BRMS1: variants seen among roughly 807,000 people sequenced by gnomAD.
BRMS1 encodes the protein BRMS1 transcriptional repressor and anoikis regulator.
BRMS1 carries 26 observed loss-of-function variants against 40.4 expected under a neutral mutation model. The ratio of observed to expected loss-of-function variants is 0.64; its 90% confidence interval spans 0.47 to 0.89. The LOEUF is 0.89. Ranked by LOEUF, BRMS1 falls within the 40% of genes least tolerant of loss-of-function variation. The pLI, the probability that BRMS1 is intolerant of heterozygous loss-of-function variation, is 0.00. For synonymous variants in BRMS1, 103 were observed against 116.0 expected, an observed-to-expected ratio of 0.89 and a Z score of 0.72; for missense variants, 289 against 309.4, an observed-to-expected ratio of 0.93 and a Z score of 0.49.
chr11:66,338,547 C>T, intron 8 of BRMS1, 174 bp downstream of exon 8: 1 of 1,538,914 alleles, frequency 6.5e-7, no homozygotes, highest in Non-Finnish European at 8.7e-7. Flanking sequence ...ATCCCTTTTC[C>T]CAGGGCCGCC....
rs374621425 is a variant in BRMS1 at position 66,341,596 on chromosome 11, C to T, written c.167G>A (p.Arg56His). ...SEMDDEDYER[R>H]RSECVSEMLD... Reference sequence around the variant, plus strand: ...CATCTCACTGACACACTCGCTGCGGCGTCGCTCATAGTCCTCATCATCCAT... The same window carrying T: ...CATCTCACTGACACACTCGCTGCGGTGTCGCTCATAGTCCTCATCATCCAT... Residue 56 changes from arginine to histidine, a missense_variant, in exon 3 of 10, where the codon CGC becomes CAC. Transcript: ENST00000359957. The surrounding 1 kb of genome is among the most constrained non-coding windows in gnomAD (Gnocchi z 4.9). The T allele has an allele frequency of 5.0e-5, 81 of 1,613,978 alleles. No individual in the cohort carries two copies. Among genetic ancestry groups the T allele is most frequent in the Non-Finnish European group, 6.6e-5 (78 of 1,180,036 alleles).
rs1234666063 is a variant in BRMS1, at chr11:66,337,741, G to A, written c.*141C>T. 1.2e-5 allele frequency: 20 copies of A among 1,612,722 alleles called. No individual in the cohort carries two copies. Among genetic ancestry groups the A allele is most frequent in the Non-Finnish European group, 1.7e-5 (20 of 1,179,656 alleles). On this transcript the variant is annotated 3_prime_UTR_variant, in exon 10 of 10. Transcript: ENST00000359957. ...AGTCCAGGCCAGTGCCAGATGGAGT[G>A]GGAGGGCCCAGCAGCACCACAGGAG...
At chr11:66,338,632 A>C in intron 8 of BRMS1, 89 bp downstream of exon 8, 1 of 1,605,566 alleles carries the variant, frequency 6.2e-7, no homozygotes, top group Non-Finnish European at 8.5e-7. Context: ...TGGTGAGCAG[A>C]GAACTCCCAG....
Position 66,337,447 on chromosome 11 carries a change from G to C in BRMS1, c.*435C>G. ...CATCTTGCCTCCAGATCCAGCCAGGGTGGACAGACCCCCAGATAATCACGT... is the reference window on the plus strand; with the variant it reads ...CATCTTGCCTCCAGATCCAGCCAGGCTGGACAGACCCCCAGATAATCACGT... On this transcript the variant is annotated 3_prime_UTR_variant, in exon 10 of 10. Transcript: ENST00000359957. 1.9e-6 allele frequency: 1 copy of C among 536,096 alleles called. No individual in the cohort carries two copies. Among genetic ancestry groups the C allele is most frequent in the Non-Finnish European group, 3.3e-6 (1 of 299,710 alleles). 33.2% of individuals were successfully genotyped at this position (536,096 alleles called of 1,614,324 possible).
chr11:66,340,451 G>A (rs947977), intron 6 of BRMS1, among the ~76,000 whole-genome samples: 2,996 of 152,186 alleles, frequency 0.02, 123 homozygotes, highest in African/African-American at 0.068. Context: ...GTGGGATGAC[G>A]ACAATTCCTG....
In BRMS1 at chr11:66,337,539, A is replaced by ACAT; in HGVS notation, c.*340_*342dup. 1.3e-6 allele frequency: 1 copy of ACAT among 774,970 alleles called. No homozygotes were observed. The highest frequency in any genetic ancestry group is 2.0e-6 in the Non-Finnish European group (1 of 494,450). The allele number at this position is 774,970 out of a possible 1,614,324, so 48.0% of individuals were successfully genotyped here. On this transcript the variant is annotated 3_prime_UTR_variant, in exon 10 of 10. Coordinates refer to ENST00000359957, the MANE Select transcript of BRMS1 (RefSeq NM_015399.4). Reference sequence around the variant, plus strand: ...CCTGAGGCCGGACAGCCTGCATCCAACATCAGCAAGAGGATGTGGCTTTGA... The same window carrying ACAT: ...CCTGAGGCCGGACAGCCTGCATCCAACATCATCAGCAAGAGGATGTGGCTTTGA...
chr11:66,345,061 T>C lies in BRMS1; in HGVS notation c.-97A>G, dbSNP rs774116159. 1 of 152,256 alleles carries C rather than the reference T, an allele frequency of 6.6e-6. No individual in the cohort carries two copies. Among genetic ancestry groups the C allele is most frequent in the Admixed American group, 6.5e-5 (1 of 15,292 alleles). 9.4% of individuals were successfully genotyped at this position (152,256 alleles called of 1,614,324 possible). A position where few individuals can be genotyped will look rare whatever the true frequency, so the allele number is the denominator to read the frequency against. On this transcript the variant is annotated 5_prime_UTR_variant, in exon 1 of 10. Coordinates refer to ENST00000359957, the MANE Select transcript of BRMS1 (RefSeq NM_015399.4). ...ACCGGCTGCTGCCGCCGGACTCCCG[T>C]AGGCGCTGCGCGGCTCCCTTTTCTT...
At chr11:66,343,587 T>A (rs1458400284) in intron 1 of BRMS1, among the ~76,000 whole-genome samples, 1 of 152,082 alleles carries the variant, frequency 6.6e-6, no homozygotes, top group African/African-American at 2.4e-5. Flanking sequence ...ACCAGCTGGG[T>A]GAGCTGCACT....
At chr11:66,342,320 A>G (rs1855107459) in intron 1 of BRMS1, 79 bp from the exon 2 acceptor site, 4 of 1,550,382 alleles carry the variant, frequency 2.6e-6, no homozygotes, top group Non-Finnish European at 3.5e-6. Flanking sequence ...GCTGAACACA[A>G]CTCGATCCCA....
intron 5 of BRMS1, 25 bp downstream of exon 5, chr11:66,340,942 C>T (rs1445225111): frequency 8.7e-6 from 14 of 1,613,792 alleles, no homozygotes; most frequent in African/African-American, 1.3e-5. Context: ...CCTGCCTCAC[C>T]CCCAGTGTGC....
Position 66,341,584 on chromosome 11 carries a change from C to T in BRMS1, c.179G>A (p.Cys60Tyr), listed in dbSNP as rs756063796. 4 of 1,614,052 alleles carry T rather than the reference C, an allele frequency of 2.5e-6. No homozygotes were observed. In the African/African-American group the frequency reaches 4.0e-5, roughly 16 times the overall value. ...DEDYERRRSECVSEMLDLEKQ... is the reference protein window; with the variant it reads ...DEDYERRRSEYVSEMLDLEKQ... ...CTCTAGGTCCAGCATCTCACTGACA[C>T]ACTCGCTGCGGCGTCGCTCATAGTC... The change falls in exon 3 of 10, where the codon TGT (cysteine) becomes TAT (tyrosine). Residue 60 changes from cysteine (C) to tyrosine (Y), a missense_variant. Coordinates refer to ENST00000359957, the MANE Select transcript of BRMS1 (RefSeq NM_015399.4). The surrounding 1 kb of genome is among the most constrained non-coding windows in gnomAD (Gnocchi z 4.9).
rs1269461289 is a variant in BRMS1, at chr11:66,341,660, G to A, written c.140-37C>T. The A allele has an allele frequency of 6.4e-7, 1 of 1,573,280 alleles. No homozygotes were observed. The highest frequency in any genetic ancestry group is 2.2e-5 in the East Asian group (1 of 44,690). ...GGCCAGTAAGGGCTAGCTCTGGGGA[G>A]GAGTGGTGGGTACCCGCATGTGTGC... is the stretch of plus-strand genomic sequence containing the variant. On this transcript the variant is annotated intron_variant, in intron 2 of 9. Transcript: ENST00000359957. This position sits in a 1 kb window ranked among gnomAD's most constrained non-coding sequence, Gnocchi z 4.9.
chr11:66,338,920 C>T, intron 7 of BRMS1, 135 bp from the exon 8 acceptor site: 1 of 827,636 alleles, frequency 1.2e-6, no homozygotes, highest in South Asian at 1.9e-5. Flanking sequence ...GGTCAGGTTC[C>T]ACCTCCTACC....
At position 66,341,760 on chromosome 11, in the gene BRMS1, G is replaced by A. The variant is rs1293617190; in HGVS notation, c.140-137C>T. 1 of 798,646 alleles carries A rather than the reference G, an allele frequency of 1.3e-6. No individual in the cohort carries two copies. Among genetic ancestry groups the A allele is most frequent in the Non-Finnish European group, 2.2e-6 (1 of 463,162 alleles). The allele number at this position is 798,646 out of a possible 1,614,324, so 49.5% of individuals were successfully genotyped here. On this transcript the variant is annotated intron_variant, in intron 2 of 9. Transcript: ENST00000359957. The surrounding 1 kb of genome is among the most constrained non-coding windows in gnomAD (Gnocchi z 4.9). ...TGTGTGTGTGTGCGCGTACATGCTT[G>A]TGTGAAGGGGCTGTGTGTGTGCGTG...
chr11:66,339,199 G>A lies in BRMS1; in HGVS notation c.629-414C>T, dbSNP rs117130688. Reference sequence around the variant, plus strand: ...TCACCTTCCATTCACTCAAGTCATGGCCTTCCAGATTCCTCCCTCCCTGCC... The same window carrying A: ...TCACCTTCCATTCACTCAAGTCATGACCTTCCAGATTCCTCCCTCCCTGCC... On this transcript the variant is annotated intron_variant, in intron 7 of 9. Transcript: ENST00000359957. 4.7e-3 allele frequency among the ~76,000 whole-genome samples: 721 copies of A among 152,280 alleles called. 1 individual carries two copies. Among genetic ancestry groups the A allele is most frequent in the Admixed American group, 0.013 (203 of 15,300 alleles).
chr11:66,341,199 C>A lies in BRMS1; in HGVS notation c.358+7G>T. On this transcript the variant is annotated splice_region_variant and intron_variant, in intron 4 of 9. Coordinates refer to ENST00000359957, the MANE Select transcript of BRMS1 (RefSeq NM_015399.4). This position sits in a 1 kb window ranked among gnomAD's most constrained non-coding sequence, Gnocchi z 4.9. Reference sequence around the variant, plus strand: ...GAGGGGAAGAGGGTACAGAACCACCCACAGACCTGCCACCTGAATGCGAAT... The same window carrying A: ...GAGGGGAAGAGGGTACAGAACCACCAACAGACCTGCCACCTGAATGCGAAT... 6.2e-7 allele frequency: 1 copy of A among 1,611,650 alleles called. No homozygotes were observed. Among genetic ancestry groups the A allele is most frequent in the Non-Finnish European group, 8.5e-7 (1 of 1,178,130 alleles).
At chr11:66,342,006 G>T (rs1035833203) in intron 2 of BRMS1, 90 bp downstream of exon 2, 48 of 1,398,690 alleles carry the variant, frequency 3.4e-5, no homozygotes, top group Non-Finnish European at 4.5e-5. Context: ...GCATGTGCGT[G>T]CATGCTTGTG....
intron 9 of BRMS1, 67 bp from the exon 10 acceptor site, chr11:66,337,956 T>G (rs1337175081): frequency 6.5e-7 from 1 of 1,527,284 alleles, no homozygotes; most frequent in African/African-American, 1.4e-5. Context: ...GGCAGCCACT[T>G]ACTGAGTGGC....
Position 66,341,857 on chromosome 11 carries a change from T to C in BRMS1, c.140-234A>G. ...GTGAAGGGGCTGTGTGCACGTGTAC[T>C]TGTGTGAAGGGGCTGTGTGTGTGCA... is the stretch of plus-strand genomic sequence containing the variant. On this transcript the variant is annotated intron_variant, in intron 2 of 9. Coordinates refer to ENST00000359957, the MANE Select transcript of BRMS1 (RefSeq NM_015399.4). This position sits in a 1 kb window ranked among gnomAD's most constrained non-coding sequence, Gnocchi z 4.9. The C allele has an allele frequency of 4.8e-6, 3 of 630,376 alleles. No individual in the cohort carries two copies. The highest frequency in any genetic ancestry group is 4.7e-5 in the Admixed American group (2 of 42,704). 39.0% of individuals were successfully genotyped at this position (630,376 alleles called of 1,614,324 possible). A position where few individuals can be genotyped will look rare whatever the true frequency, so the allele number is the denominator to read the frequency against.
Sources: allele counts gnomAD v4.1 joint callset (sites outside exome capture counted in the v4.1 genomes callset), GRCh38; gene constraint gnomAD v4.1.1; non-coding constraint Gnocchi (gnomAD v3.1); transcripts MANE v1.5; gene names NCBI Gene and HGNC (gene_info 2026-07-23, HGNC 2026-07-21).